The following CACNG5 variants were observed in gnomAD, a reference collection of about 807,000 sequenced individuals.
CACNG5 encodes calcium voltage-gated channel auxiliary subunit gamma 5, also known as voltage-dependent calcium channel gamma-5 subunit.
CACNG5 carries 18 observed loss-of-function variants against 24.8 expected under a neutral mutation model. The observed-to-expected ratio is 0.73, with a 90% CI of 0.50 to 1.08. CACNG5 has a LOEUF of 1.08. Among genes scored for constraint, CACNG5 ranks in the 50% least tolerant of loss-of-function variants. The probability of loss-of-function intolerance (pLI) is 0.00; values close to 1 mark genes in which losing one functional copy is unlikely to be tolerated. For synonymous variants in CACNG5, 157 were observed against 149.1 expected, an observed-to-expected ratio of 1.05 and a Z score of -0.39; for missense variants, 349 against 367.9, an observed-to-expected ratio of 0.95 and a Z score of 0.42.
intron 1 of CACNG5, among the ~76,000 whole-genome samples, chr17:66,852,099 C>T (rs1976714905): frequency 6.6e-6 from 1 of 152,194 alleles, no homozygotes; most frequent in Non-Finnish European, 1.5e-5. Flanking sequence ...GGCAAATTTG[C>T]TTTCTTTCCC....
intron 1 of CACNG5, among the ~76,000 whole-genome samples, chr17:66,852,177 C>T (rs931727658): frequency 6.6e-6 from 1 of 152,220 alleles, no homozygotes; most frequent in African/African-American, 2.4e-5. Flanking sequence ...GGTCTTCGGA[C>T]TCTGAGACTT....
Position 66,877,008 on chromosome 17 carries a change from TGAA to T in CACNG5, c.-103-221_-103-219del, listed in dbSNP as rs543396666. ...ATGAATGAATGAATGAATGAATGAA[TGAA>T]TGAATGGCAGTACCCAGCAAGGGGA... On this transcript the variant is annotated intron_variant, in intron 1 of 5. Coordinates refer to ENST00000533854, the MANE Select transcript of CACNG5 (RefSeq NM_145811.3). Among the ~76,000 whole-genome samples the T allele has an allele frequency of 6.9e-3, 1,049 of 151,968 alleles. 11 individuals are homozygous for T. Among genetic ancestry groups the T allele is most frequent in the African/African-American group, 0.024 (1,004 of 41,360 alleles).
At chr17:66,857,068 T>G (rs927408114) in intron 1 of CACNG5, among the ~76,000 whole-genome samples, 6 of 125,320 alleles carry the variant, frequency 4.8e-5, no homozygotes, top group East Asian at 4.2e-4. Flanking sequence ...TTTTTAAGTT[T>G]TTTTTTTTTT....
intron 1 of CACNG5, among the ~76,000 whole-genome samples, chr17:66,849,552 G>T (rs1266366829): frequency 1.3e-5 from 2 of 152,204 alleles, no homozygotes; most frequent in Non-Finnish European, 2.9e-5. Flanking sequence ...ATCTGCCTGG[G>T]GAATGCACCC....
chr17:66,864,622 T>C (rs1976905569), intron 1 of CACNG5, among the ~76,000 whole-genome samples: 1 of 152,270 alleles, frequency 6.6e-6, no homozygotes, highest in African/African-American at 2.4e-5. Context: ...AATGGAAGTC[T>C]GAACTCTCTT....
In CACNG5 at chr17:66,884,957, C is replaced by T. The variant is rs1330379956; in HGVS notation, c.571-26C>T. ...ATGAGGCAGGCCCCAGCAGCGAGCCCATCCTCTGCTGTCTTCTCCCTGTAG... is the reference window on the plus strand; with the variant it reads ...ATGAGGCAGGCCCCAGCAGCGAGCCTATCCTCTGCTGTCTTCTCCCTGTAG... On this transcript the variant is annotated intron_variant, in intron 5 of 5. Coordinates refer to ENST00000533854, the MANE Select transcript of CACNG5 (RefSeq NM_145811.3). The T allele has an allele frequency of 6.8e-6, 11 of 1,614,000 alleles. 1 individual carries two copies. Among genetic ancestry groups the T allele is most frequent in the South Asian group, 3.3e-5 (3 of 91,078 alleles).
chr17:66,857,072 T>C (rs1976789854), intron 1 of CACNG5, among the ~76,000 whole-genome samples: 1 of 136,250 alleles, frequency 7.3e-6, no homozygotes, highest in African/African-American at 2.8e-5. Flanking sequence ...TAAGTTTTTT[T>C]TTTTTTTTTT....
At chr17:66,878,568 T>C (rs1977116051) in intron 2 of CACNG5, among the ~76,000 whole-genome samples, 1 of 152,202 alleles carries the variant, frequency 6.6e-6, no homozygotes, top group Non-Finnish European at 1.5e-5. Flanking sequence ...TCCAGGGTGG[T>C]TGACAGGGCT....
intron 1 of CACNG5, among the ~76,000 whole-genome samples, chr17:66,839,137 T>C (rs925764220): frequency 6.6e-6 from 1 of 151,802 alleles, no homozygotes; most frequent in Non-Finnish European, 1.5e-5. Context: ...AATTTTTATA[T>C]TTTTAGTAGA....
At chr17:66,871,100 A>C (rs1221432211) in intron 1 of CACNG5, among the ~76,000 whole-genome samples, 2 of 152,190 alleles carry the variant, frequency 1.3e-5, no homozygotes. Context: ...AGGAGTGTCA[A>C]AGATTTTGCG....
At chr17:66,835,607 T>C (rs1181461053) in intron 1 of CACNG5, among the ~76,000 whole-genome samples, 3 of 152,170 alleles carry the variant, frequency 2.0e-5, no homozygotes, top group Non-Finnish European at 2.9e-5. Context: ...CAGATTATTA[T>C]CCGGATAATG....
intron 1 of CACNG5, among the ~76,000 whole-genome samples, chr17:66,846,018 T>C (rs1393218359): frequency 6.6e-6 from 1 of 152,192 alleles, no homozygotes; most frequent in East Asian, 1.9e-4. Flanking sequence ...TTCTCTAACA[T>C]GAGGGGTAGC....
intron 1 of CACNG5, among the ~76,000 whole-genome samples, chr17:66,856,059 T>C (rs1056838828): frequency 1.3e-5 from 2 of 152,236 alleles, no homozygotes; most frequent in South Asian, 4.1e-4. Context: ...GGGTAAACCA[T>C]AGTTCCTATA....
rs973501846 is a variant in CACNG5, at chr17:66,889,958, G to C, written c.*4718G>C. 2.6e-5 allele frequency among the ~76,000 whole-genome samples: 4 copies of C among 152,298 alleles called. No homozygotes were observed. Among genetic ancestry groups the C allele is most frequent in the East Asian group, 1.9e-4 (1 of 5,176 alleles). On this transcript the variant is annotated 3_prime_UTR_variant, in exon 6 of 6. Transcript: ENST00000533854. Reference sequence around the variant, plus strand: ...CCGGGGGAGCCACATTCCACCTAAGGCCTGAGCAAATTGGCACCTGGGCTC... The same window carrying C: ...CCGGGGGAGCCACATTCCACCTAAGCCCTGAGCAAATTGGCACCTGGGCTC...
chr17:66,869,116 C>T (rs1485400868), intron 1 of CACNG5, among the ~76,000 whole-genome samples: 4 of 152,080 alleles, frequency 2.6e-5, no homozygotes, highest in Non-Finnish European at 5.9e-5. Context: ...TGGAGTCTCG[C>T]TCTGTCATCC....
rs547983566 is a variant in CACNG5, at chr17:66,886,011, G to A, written c.*771G>A. Among the ~76,000 whole-genome samples, 1 of 152,328 alleles carries A rather than the reference G, an allele frequency of 6.6e-6. No individual in the cohort carries two copies. Among genetic ancestry groups the A allele is most frequent in the Non-Finnish European group, 1.5e-5 (1 of 68,022 alleles). On this transcript the variant is annotated 3_prime_UTR_variant, in exon 6 of 6. Coordinates refer to ENST00000533854, the MANE Select transcript of CACNG5 (RefSeq NM_145811.3). ...CCCTTTGATAACATATTTTACAGGA[G>A]CCTTTTATGCCTTAACCCAAATAAC... is the stretch of plus-strand genomic sequence containing the variant.
chr17:66,880,440 C>A (rs1180946843), intron 3 of CACNG5, 117 bp from the exon 4 acceptor site: 3 of 1,274,386 alleles, frequency 2.4e-6, no homozygotes, highest in Non-Finnish European at 3.3e-6. Context: ...GGAACCCCTG[C>A]AGGGGTGGGG....
Position 66,889,030 on chromosome 17 carries a change from G to A in CACNG5, c.*3790G>A, listed in dbSNP as rs1362617811. ...TCTGTCAGTGCAGTGGTGTGATCTC[G>A]GCTCACTGCAACCTCTGCTTCCTGG... On this transcript the variant is annotated 3_prime_UTR_variant, in exon 6 of 6. Coordinates refer to ENST00000533854, the MANE Select transcript of CACNG5 (RefSeq NM_145811.3). Among the ~76,000 whole-genome samples the A allele has an allele frequency of 1.3e-5, 2 of 151,868 alleles. No homozygotes were observed. The highest frequency in any genetic ancestry group is 2.4e-5 in the African/African-American group (1 of 41,346).
At chr17:66,853,640 G>T (rs968360729) in intron 1 of CACNG5, among the ~76,000 whole-genome samples, 3 of 152,104 alleles carry the variant, frequency 2.0e-5, no homozygotes, top group Non-Finnish European at 4.4e-5. Context: ...AGCAAGCTAT[G>T]TCCCAGTAAT....
Sources: gnomAD v4.1 joint callset for allele counts (sites outside exome capture counted in the v4.1 genomes callset) on GRCh38, gnomAD v4.1.1 for gene constraint, MANE v1.5 for transcripts, NCBI Gene and HGNC (gene_info 2026-07-23, HGNC 2026-07-21) for gene names.